CHCHD6: variants seen among roughly 807,000 people sequenced by gnomAD.
The protein encoded by CHCHD6 is MICOS complex subunit MIC25.
CHCHD6 carries 28 observed loss-of-function variants against 32.3 expected under a neutral mutation model. The observed-to-expected ratio is 0.87, with a 90% CI of 0.64 to 1.19. The LOEUF (loss-of-function observed/expected upper bound fraction) is 1.19. Ranked by LOEUF, CHCHD6 falls within the 50% of genes most tolerant of loss-of-function variation. CHCHD6 has a pLI of 0.00. For missense variants in CHCHD6, 333 were observed against 307.0 expected, an observed-to-expected ratio of 1.08 and a Z score of -0.63; for synonymous variants, 122 against 117.5, an observed-to-expected ratio of 1.04 and a Z score of -0.25.
chr3:126,761,503 C>G (rs1183717561), intron 4 of CHCHD6, among the ~76,000 whole-genome samples: 3 of 152,188 alleles, frequency 2.0e-5, no homozygotes, highest in Non-Finnish European at 4.4e-5. Context: ...ATAGCTAACT[C>G]CAGCCTCCAA....
intron 1 of CHCHD6, among the ~76,000 whole-genome samples, chr3:126,717,785 G>GTT (rs56130947): frequency 0.2 from 30,957 of 151,976 alleles, 3,398 homozygotes; most frequent in South Asian, 0.35. Flanking sequence ...GTGTGTGTGT[G>GTT]TGGCTTAGAT....
intron 1 of CHCHD6, among the ~76,000 whole-genome samples, chr3:126,707,033 G>A (rs781001682): frequency 2.6e-5 from 4 of 152,100 alleles, no homozygotes; most frequent in Non-Finnish European, 4.4e-5. Context: ...TTGGGAGGCC[G>A]AAGTGGGCAG....
chr3:126,790,200 G>A (rs1261441399), intron 4 of CHCHD6, among the ~76,000 whole-genome samples: 1 of 152,120 alleles, frequency 6.6e-6, no homozygotes, highest in Non-Finnish European at 1.5e-5. Flanking sequence ...TCAGCTGTTA[G>A]TCTGATGGGC....
At chr3:126,768,992 G>A (rs1377860996) in intron 4 of CHCHD6, among the ~76,000 whole-genome samples, 1 of 152,180 alleles carries the variant, frequency 6.6e-6, no homozygotes, top group Non-Finnish European at 1.5e-5. Flanking sequence ...TAGGTCGCAC[G>A]TTTACTCTGT....
chr3:126,852,816 G>C lies in CHCHD6; in HGVS notation c.495+86G>C, dbSNP rs1217439492. The C allele has an allele frequency of 5.5e-6, 5 of 905,268 alleles. No homozygotes were observed. In the Admixed American group the frequency reaches 9.5e-5, roughly 17 times the overall value. The allele number at this position is 905,268 out of a possible 1,614,324, so 56.1% of individuals were successfully genotyped here. On this transcript the variant is annotated intron_variant, in intron 5 of 7. Transcript: ENST00000290913. ...ACATCACTGTCATGGGGGGAGAGAG[G>C]AGTCCGCAGACCCAGTGCCCATTCG... is the stretch of plus-strand genomic sequence containing the variant.
chr3:126,863,285 T>C (rs1420855141), intron 5 of CHCHD6, among the ~76,000 whole-genome samples: 65 of 39,080 alleles, frequency 1.7e-3, no homozygotes, highest in South Asian at 2.7e-3. Context: ...TCCTCCACCA[T>C]CATCACCACC....
chr3:126,761,383 A>G (rs1937157563), intron 4 of CHCHD6, among the ~76,000 whole-genome samples: 1 of 152,128 alleles, frequency 6.6e-6, no homozygotes, highest in South Asian at 2.1e-4. Flanking sequence ...AAGGACACCA[A>G]TTATATGACA....
intron 5 of CHCHD6, among the ~76,000 whole-genome samples, chr3:126,897,590 A>G (rs2077859548): frequency 6.6e-6 from 1 of 151,972 alleles, no homozygotes; most frequent in Non-Finnish European, 1.5e-5. Context: ...TTCCTCCACT[A>G]CTCACTGGCG....
intron 6 of CHCHD6, among the ~76,000 whole-genome samples, chr3:126,936,835 G>A (rs937640510): frequency 1.3e-5 from 2 of 152,220 alleles, no homozygotes; most frequent in Non-Finnish European, 2.9e-5. Context: ...GATTACAGGC[G>A]TGAGCCCCTG....
chr3:126,767,314 G>T (rs1181543302), intron 4 of CHCHD6: 26 of 1,065,680 alleles, frequency 2.4e-5, no homozygotes, highest in Non-Finnish European at 3.4e-5. Flanking sequence ...ACGCAAACAC[G>T]GAGCCCATTT....
intron 6 of CHCHD6, among the ~76,000 whole-genome samples, chr3:126,921,966 C>G (rs2078255786): frequency 6.6e-6 from 1 of 152,292 alleles, no homozygotes; most frequent in South Asian, 2.1e-4. Flanking sequence ...AGATAACATT[C>G]GTCTTAGCCT....
Position 126,704,374 on chromosome 3 carries a change from G to T in CHCHD6, c.62G>T (p.Arg21Leu), listed in dbSNP as rs748360128. 3.8e-6 allele frequency: 6 copies of T among 1,575,182 alleles called. No individual in the cohort carries two copies. In the South Asian group the frequency reaches 6.9e-5, roughly 18 times the overall value. Residue 21 changes from arginine to leucine, a missense_variant, in exon 1 of 8, where the codon CGG becomes CTG. Transcript: ENST00000290913. Reference protein sequence around the residue: ...RVSFGVDEEERVRVLQGVRLS... With the variant: ...RVSFGVDEEELVRVLQGVRLS... ...TCCTTCGGAGTGGACGAGGAGGAGCGGGTCCGGGTGCTGCAGGGTGTCCGG... is the reference window on the plus strand; with the variant it reads ...TCCTTCGGAGTGGACGAGGAGGAGCTGGTCCGGGTGCTGCAGGGTGTCCGG...
At chr3:126,930,755 A>G (rs1021893079) in intron 6 of CHCHD6, among the ~76,000 whole-genome samples, 3 of 152,116 alleles carry the variant, frequency 2.0e-5, no homozygotes, top group Non-Finnish European at 2.9e-5. Flanking sequence ...ATCCATCCCT[A>G]CCCCTTCCCT....
intron 4 of CHCHD6, among the ~76,000 whole-genome samples, chr3:126,779,057 T>C (rs1937791711): frequency 1.3e-5 from 2 of 152,064 alleles, no homozygotes; most frequent in Admixed American, 1.3e-4. Context: ...CCAAAAGTTT[T>C]AAATTTTGAT....
intron 5 of CHCHD6, among the ~76,000 whole-genome samples, chr3:126,897,780 C>T (rs71327775): frequency 2.6e-4 from 39 of 152,364 alleles, no homozygotes; most frequent in Admixed American, 1.3e-3. Context: ...TTTGGCTCCC[C>T]ATTTGCTCTG....
chr3:126,904,069 TC>T (rs776929087), intron 5 of CHCHD6, among the ~76,000 whole-genome samples: 4 of 152,202 alleles, frequency 2.6e-5, no homozygotes, highest in Non-Finnish European at 5.9e-5. Flanking sequence ...AGGCGTTTCT[TC>T]CATGAAGTTT....
chr3:126,752,176 G>T (rs934014889), intron 4 of CHCHD6, among the ~76,000 whole-genome samples: 2 of 152,202 alleles, frequency 1.3e-5, no homozygotes, highest in African/African-American at 4.8e-5. Context: ...CTTAGAAAAG[G>T]TGGGGAAGAA....
chr3:126,786,467 C>G (rs538673403), intron 4 of CHCHD6, among the ~76,000 whole-genome samples: 1,666 of 152,272 alleles, frequency 0.011, 14 homozygotes, highest in African/African-American at 0.028. Flanking sequence ...GTTCCTATTT[C>G]TCCACATCCT....
chr3:126,785,827 A>G (rs1034882089), intron 4 of CHCHD6, among the ~76,000 whole-genome samples: 1 of 152,122 alleles, frequency 6.6e-6, no homozygotes, highest in African/African-American at 2.4e-5. Context: ...ATACATATAT[A>G]TAAGTAGATA....
Sources: gnomAD v4.1 joint callset for allele counts (sites outside exome capture counted in the v4.1 genomes callset) on GRCh38, gnomAD v4.1.1 for gene constraint, MANE v1.5 for transcripts, NCBI Gene and HGNC (gene_info 2026-07-23, HGNC 2026-07-21) for gene names.